LRIG2: variants seen among roughly 807,000 people sequenced by gnomAD.
The protein encoded by LRIG2 is leucine rich repeats and immunoglobulin like domains 2, also known as leucine-rich repeats and immunoglobulin-like domains protein 2.
In LRIG2, 93 loss-of-function variants were observed where a neutral mutation model predicts 107.8. The ratio of observed to expected loss-of-function variants is 0.86; its 90% CI spans 0.73 to 1.03. LRIG2 has a LOEUF of 1.03. Among genes scored for constraint, LRIG2 ranks in the 50% least tolerant of loss-of-function variants. The pLI is 0.00. For missense variants in LRIG2, 1,226 were observed against 1,296.0 expected (o/e 0.95, Z 0.83); for synonymous variants, 471 against 470.6 (o/e 1.00, Z -0.01).
At chr1:113,085,067 C>T (rs1339896437) in intron 1 of LRIG2, among the ~76,000 whole-genome samples, 1 of 152,124 alleles carries the variant, frequency 6.6e-6, no homozygotes, top group Non-Finnish European at 1.5e-5. Context: ...TGTTGTAAAC[C>T]AGTTTTTTAA....
intron 11 of LRIG2, 54 bp downstream of exon 11, chr1:113,100,542 G>A (rs374107768): frequency 6.6e-6 from 7 of 1,063,252 alleles, no homozygotes; most frequent in Admixed American, 4.1e-5. Context: ...CCTGCTTGTT[G>A]TGCTTAAAGT....
chr1:113,097,144 GA>G (rs1654102524), intron 8 of LRIG2, among the ~76,000 whole-genome samples: 1 of 151,566 alleles, frequency 6.6e-6, no homozygotes, highest in Non-Finnish European at 1.5e-5. Context: ...TCAATTTACA[GA>G]ATATAAGAAT....
rs748356766 is a variant in LRIG2 at position 113,094,669 on chromosome 1, C to T, written c.717C>T (p.Asp239=). Residue 239 remains aspartate, a synonymous_variant, in exon 6 of 18, where the codon GAC becomes GAT. Transcript: ENST00000361127. ...AAGGTCTTACATTCCAAGGGCTTGA[C>T]TCCTTAAGATCTTTGAAAATGCAGC... ...IVEGLTFQGL[D]SLRSLKMQRN... is the part of the protein sequence containing the mutation. 1 of 1,613,872 alleles carries T rather than the reference C, an allele frequency of 6.2e-7. No homozygotes were observed. The highest frequency in any genetic ancestry group is 8.5e-7 in the Non-Finnish European group (1 of 1,179,844).
At chr1:113,094,017 T>A (rs997738333) in intron 4 of LRIG2, among the ~76,000 whole-genome samples, 4 of 152,196 alleles carry the variant, frequency 2.6e-5, no homozygotes, top group African/African-American at 9.6e-5. Flanking sequence ...TTGTTTGTTT[T>A]TTTTTGAACC....
rs1251324957 is a variant in LRIG2 at position 113,095,984 on chromosome 1, A to G, written c.914A>G (p.Asp305Gly). 1 of 1,614,220 alleles carries G rather than the reference A, an allele frequency of 6.2e-7. No homozygotes were observed. The highest frequency in any genetic ancestry group is 1.3e-5 in the African/African-American group (1 of 75,064). Residue 305 changes from aspartate to glycine, a missense_variant, in exon 7 of 18, where the codon GAT (aspartate) becomes GGT (glycine). By Grantham distance (94) the Asp-to-Gly change is moderately conservative. Transcript: ENST00000361127. The stretch of plus-strand genomic sequence containing the variant: ...AATGCTATTGAAAGAATCAGCCCTG[A>G]TGCATGGGAGTTCTGCCAAAGACTA... ...SQNAIERISP[D>G]AWEFCQRLSE...
At chr1:113,083,675 A>T (rs1653392789) in intron 1 of LRIG2, among the ~76,000 whole-genome samples, 1 of 151,618 alleles carries the variant, frequency 6.6e-6, no homozygotes, top group Non-Finnish European at 1.5e-5. Context: ...ACCAGATCTC[A>T]TGTGAACTCA....
chr1:113,131,802 T>TTGTGTGTGTGTGTGTGTG lies in LRIG2; in HGVS notation c.*7726_*7743dup, dbSNP rs56809946. The stretch of plus-strand genomic sequence containing the variant: ...GGTTTTGTCAGTAGTAAGGTAGGTT[T>TTGTGTGTGTGTGTGTGTG]TGTGTGTGTGTGTGTGTGTGTGTGT... On this transcript the variant is annotated 3_prime_UTR_variant, in exon 18 of 18. Coordinates refer to ENST00000361127, the MANE Select transcript of LRIG2 (RefSeq NM_014813.3). The TTGTGTGTGTGTGTGTGTG allele has an allele frequency of 6.8e-6, 1 of 147,726 alleles. No homozygotes were observed. The highest frequency in any genetic ancestry group is 2.5e-5 in the African/African-American group (1 of 39,742). The allele number at this position is 147,726 out of a possible 1,614,324, so 9.2% of individuals were successfully genotyped here.
intron 12 of LRIG2, among the ~76,000 whole-genome samples, chr1:113,108,213 A>C (rs1241349293): frequency 6.7e-6 from 1 of 149,682 alleles, no homozygotes; most frequent in Non-Finnish European, 1.5e-5. Context: ...AGCACTTATA[A>C]TTTCAAATAT....
intron 1 of LRIG2, among the ~76,000 whole-genome samples, chr1:113,090,522 G>C (rs1404284442): frequency 4.0e-5 from 6 of 151,752 alleles, no homozygotes; most frequent in Admixed American, 3.9e-4. Flanking sequence ...TGACATTTAA[G>C]AGGACTTTTT....
rs750139828 is a variant in LRIG2 at position 113,112,770 on chromosome 1, C to T, written c.2080+10C>T. 2.5e-5 allele frequency: 40 copies of T among 1,586,548 alleles called. No homozygotes were observed. The highest frequency in any genetic ancestry group is 3.5e-5 in the Non-Finnish European group (40 of 1,159,016). ...TCCCTAACAGTGTTAGGTACGTTTACTGCTCCATGGGTCCCTGCTTTTGTT... is the reference window on the plus strand; with the variant it reads ...TCCCTAACAGTGTTAGGTACGTTTATTGCTCCATGGGTCCCTGCTTTTGTT... On this transcript the variant is annotated intron_variant, in intron 14 of 17. Coordinates refer to ENST00000361127, the MANE Select transcript of LRIG2 (RefSeq NM_014813.3).
At chr1:113,080,568 C>T (rs781297461) in intron 1 of LRIG2, among the ~76,000 whole-genome samples, 2 of 151,642 alleles carry the variant, frequency 1.3e-5, no homozygotes, top group African/African-American at 2.4e-5. Flanking sequence ...TTCAGTAGGA[C>T]GTGGTTTCAC....
chr1:113,107,587 C>T lies in LRIG2; in HGVS notation c.1314-7C>T, dbSNP rs771599378. On this transcript the variant is annotated splice_polypyrimidine_tract_variant and splice_region_variant and intron_variant, in intron 11 of 17. Transcript: ENST00000361127. ...AAAGGATGCTTTTCCTCTTTTCTTT[C>T]CTGCAGGATTCTGAACACAAGCAGT... 108 of 1,601,562 alleles carry T rather than the reference C, an allele frequency of 6.7e-5. No homozygotes were observed. Among genetic ancestry groups the T allele is most frequent in the Admixed American group, 2.0e-4 (11 of 55,912 alleles).
At position 113,080,697 on chromosome 1, in the gene LRIG2, A is replaced by C. The variant is rs376293513; in HGVS notation, c.239+7052A>C. ...CCGGCCTGCTTCTGGTCTTTTAACT[A>C]TCTTACTATATGGTTTCTTTTCAAG... On this transcript the variant is annotated intron_variant, in intron 1 of 17. Transcript: ENST00000361127. Among the ~76,000 whole-genome samples the C allele has an allele frequency of 4.9e-4, 74 of 152,052 alleles. No individual in the cohort carries two copies. The Middle Eastern group carries it at 0.014, about 28-fold the overall frequency.
intron 2 of LRIG2, 124 bp from the exon 3 acceptor site, chr1:113,093,082 T>A (rs1241115915): frequency 3.2e-6 from 2 of 626,482 alleles, no homozygotes; most frequent in Non-Finnish European, 5.7e-6. Flanking sequence ...TCTAACTCAT[T>A]CTGAGTCATA....
chr1:113,080,164 G>T (rs888116895), intron 1 of LRIG2, among the ~76,000 whole-genome samples: 2 of 150,662 alleles, frequency 1.3e-5, no homozygotes, highest in Non-Finnish European at 3.0e-5. Flanking sequence ...GGGACTACAG[G>T]CACGTACCAC....
chr1:113,090,139 TAAAG>T (rs1341915499), intron 1 of LRIG2, among the ~76,000 whole-genome samples: 2 of 152,158 alleles, frequency 1.3e-5, no homozygotes, highest in African/African-American at 2.4e-5. Flanking sequence ...CTACAGGGAA[TAAAG>T]AAACTCTTTA....
At chr1:113,113,117 C>T (rs760730742) in intron 14 of LRIG2, among the ~76,000 whole-genome samples, 2 of 151,730 alleles carry the variant, frequency 1.3e-5, no homozygotes, top group Non-Finnish European at 2.9e-5. Context: ...TTAGGAGTAT[C>T]CCAGCCATTT....
rs1360855364 is a variant in LRIG2 at position 113,094,340 on chromosome 1, A to G, written c.517A>G (p.Asn173Asp). Residue 173 changes from asparagine (N) to aspartate (D), a missense_variant and splice_region_variant, in exon 5 of 18, where the codon AAT (asparagine) becomes GAT (aspartate). Asn to Asp is a conservative substitution (Grantham distance 23). Around this residue, in one of 3 missense-constraint regions of LRIG2, gnomAD observed 570 missense variants for 550.2 expected, o/e 1.04. Transcript: ENST00000361127. ...SFPRMQLKYL[N>D]LSNNRITTLE... is the part of the protein sequence containing the mutation. ...TTGCTATTATCTTGTTTATTTTAGG[A>G]ATTTAAGTAATAACAGAATAACCAC... 6.3e-7 allele frequency: 1 copy of G among 1,591,374 alleles called. No homozygotes were observed. The highest frequency in any genetic ancestry group is 1.9e-5 in the Admixed American group (1 of 52,960).
intron 1 of LRIG2, among the ~76,000 whole-genome samples, chr1:113,075,692 C>T (rs376833980): frequency 1.2e-4 from 14 of 117,726 alleles, no homozygotes; most frequent in Admixed American, 4.1e-4. Flanking sequence ...GTGGCCTATA[C>T]TTTTTTTTTT....
Sources: gnomAD v4.1 joint callset for allele counts (sites outside exome capture counted in the v4.1 genomes callset) on GRCh38, gnomAD v4.1.1 for gene constraint, gnomAD v4.1.1 regional missense constraint, MANE v1.5 for transcripts, NCBI Gene and HGNC (gene_info 2026-07-23, HGNC 2026-07-21) for gene names.